The following FAM53B variants were observed in gnomAD, a reference collection of about 807,000 sequenced individuals.
FAM53B encodes family with sequence similarity 53 member B, also known as protein FAM53B.
A neutral mutation model predicts 32.7 loss-of-function variants in FAM53B; 12 were observed. That is an observed-to-expected ratio of 0.37 (90% CI 0.24 to 0.59). The LOEUF (loss-of-function observed/expected upper bound fraction) is 0.59. Among genes scored for constraint, FAM53B ranks in the 20% least tolerant of loss-of-function variants. The pLI, the probability that FAM53B is intolerant of heterozygous loss-of-function variation, is 0.72. For synonymous variants in FAM53B, 234 were observed against 228.7 expected, an observed-to-expected ratio of 1.02 and a Z score of -0.21; for missense variants, 477 against 577.7, an observed-to-expected ratio of 0.83 and a Z score of 1.79.
chr10:124,702,799 C>T (rs978955741), intron 2 of FAM53B, among the ~76,000 whole-genome samples: 1 of 152,124 alleles, frequency 6.6e-6, no homozygotes, highest in Non-Finnish European at 1.5e-5. Flanking sequence ...ATGCTGGAGG[C>T]GGGGCCTGGT....
At chr10:124,709,653 G>C (rs1949986527) in intron 1 of FAM53B, among the ~76,000 whole-genome samples, 1 of 152,122 alleles carries the variant, frequency 6.6e-6, no homozygotes, top group South Asian at 2.1e-4. Flanking sequence ...CTACAAGCAG[G>C]GCAAACTGGT....
Position 124,696,163 on chromosome 10 carries a change from A to G in FAM53B, c.128T>C (p.Ile43Thr). ...GGATGGCCTTGAGTACTTACCCATA[A>G]TTCCACAAGAGAAAAGTGTAGGTCC... is the stretch of plus-strand genomic sequence containing the variant. ...SQGPTLFSCGIMENDRWRDLD... is the reference protein window; with the variant it reads ...SQGPTLFSCGTMENDRWRDLD... Residue 43 changes from isoleucine to threonine, a missense_variant, in exon 3 of 5, where the codon ATT becomes ACT. This residue lies in a region of FAM53B where 312 missense variants were observed against 420.2 expected (regional missense o/e 0.74). Transcript: ENST00000337318. The G allele has an allele frequency of 6.2e-7, 1 of 1,614,000 alleles. No homozygotes were observed. The highest frequency in any genetic ancestry group is 8.5e-7 in the Non-Finnish European group (1 of 1,179,852).
chr10:124,681,045 T>C (rs113747314), intron 4 of FAM53B, among the ~76,000 whole-genome samples: 1,913 of 152,332 alleles, frequency 0.013, 74 homozygotes, highest in Admixed American at 0.07. Context: ...AGATACTTCT[T>C]CTACAGTGAA....
intron 3 of FAM53B, among the ~76,000 whole-genome samples, chr10:124,683,115 C>A (rs1002372243): frequency 6.6e-6 from 1 of 152,210 alleles, no homozygotes; most frequent in Non-Finnish European, 1.5e-5. Context: ...CTTAAGGGAA[C>A]CACTTAAACT....
chr10:124,622,936 C>A lies in FAM53B; in HGVS notation c.*306G>T. On this transcript the variant is annotated 3_prime_UTR_variant, in exon 5 of 5. Coordinates refer to ENST00000337318, the MANE Select transcript of FAM53B (RefSeq NM_014661.4). ...GCCGGGGACAACAGAGACTGCCCAA[C>A]ATCCCACAGGGAAAGAGGCAGAAAA... is the stretch of plus-strand genomic sequence containing the variant. 3.2e-6 allele frequency: 1 copy of A among 309,072 alleles called. No homozygotes were observed. The highest frequency in any genetic ancestry group is 6.0e-6 in the Non-Finnish European group (1 of 166,462). 19.1% of individuals were successfully genotyped at this position (309,072 alleles called of 1,614,324 possible).
At chr10:124,685,197 G>A (rs1471448275) in intron 3 of FAM53B, among the ~76,000 whole-genome samples, 2 of 152,230 alleles carry the variant, frequency 1.3e-5, no homozygotes, top group South Asian at 2.1e-4. Context: ...GAAATAAACC[G>A]AAATGTTAAT....
chr10:124,653,528 C>A (rs1337405749), intron 4 of FAM53B, among the ~76,000 whole-genome samples: 1 of 152,212 alleles, frequency 6.6e-6, no homozygotes, highest in African/African-American at 2.4e-5. Context: ...CGGGCCCCTG[C>A]CAGGACACTG....
At chr10:124,697,969 C>G (rs11245335) in intron 2 of FAM53B, among the ~76,000 whole-genome samples, 27 of 152,312 alleles carry the variant, frequency 1.8e-4, no homozygotes, top group Middle Eastern at 3.4e-3. Flanking sequence ...GAGAACACAC[C>G]GAAGTCATCC....
intron 4 of FAM53B, among the ~76,000 whole-genome samples, chr10:124,647,722 C>A (rs1219430497): frequency 1.3e-5 from 2 of 152,230 alleles, no homozygotes; most frequent in East Asian, 3.9e-4. Context: ...CTCGGGGTCA[C>A]CCCCTCCCCC....
At chr10:124,625,179 A>G (rs1262519023) in intron 4 of FAM53B, among the ~76,000 whole-genome samples, 2 of 152,180 alleles carry the variant, frequency 1.3e-5, no homozygotes, top group African/African-American at 4.8e-5. Flanking sequence ...GCCTCAGCGG[A>G]TGGGAAATAA....
At chr10:124,698,379 G>A (rs564997795) in intron 2 of FAM53B, among the ~76,000 whole-genome samples, 60 of 152,234 alleles carry the variant, frequency 3.9e-4, no homozygotes, top group African/African-American at 1.4e-3. Flanking sequence ...GTAGTGAGCC[G>A]CCCCTGCCTG....
chr10:124,677,121 G>C lies in FAM53B; in HGVS notation c.906+4486C>G, dbSNP rs1042287172. On this transcript the variant is annotated intron_variant, in intron 4 of 4. Coordinates refer to ENST00000337318, the MANE Select transcript of FAM53B (RefSeq NM_014661.4). Reference sequence around the variant, plus strand: ...CCTAGGGGGACTGCATTCAATGGGTGAACTTTTTAATTGTTGCTTTTTTCT... The same window carrying C: ...CCTAGGGGGACTGCATTCAATGGGTCAACTTTTTAATTGTTGCTTTTTTCT... Among the ~76,000 whole-genome samples, 7 of 152,190 alleles carry C rather than the reference G, an allele frequency of 4.6e-5. No homozygotes were observed. In the South Asian group the frequency reaches 8.3e-4, roughly 18 times the overall value.
intron 1 of FAM53B, among the ~76,000 whole-genome samples, chr10:124,725,599 T>C (rs1172830488): frequency 2.6e-5 from 4 of 152,090 alleles, no homozygotes; most frequent in African/African-American, 9.7e-5. Context: ...ACGGGTAAAA[T>C]CAACCTATCT....
intron 4 of FAM53B, among the ~76,000 whole-genome samples, chr10:124,675,671 A>G (rs975287229): frequency 2.6e-5 from 4 of 152,154 alleles, no homozygotes; most frequent in Non-Finnish European, 5.9e-5. Context: ...CGAAGCTCCC[A>G]CTTCTCACTG....
chr10:124,691,249 A>G (rs1369998963), intron 3 of FAM53B, among the ~76,000 whole-genome samples: 4 of 152,220 alleles, frequency 2.6e-5, no homozygotes, highest in Admixed American at 1.3e-4. Flanking sequence ...TGTACAGAGT[A>G]GACTTTAACA....
rs886279367 is a variant in FAM53B, at chr10:124,623,728, C to T, written c.907-124G>A. 8.7e-6 allele frequency: 10 copies of T among 1,150,366 alleles called. No individual in the cohort carries two copies. The Admixed American group carries it at 2.4e-4, about 27-fold the overall frequency. 71.3% of individuals were successfully genotyped at this position (1,150,366 alleles called of 1,614,324 possible). ...AAGACCAATCAAGTCCCGGGTTCCTCCTATCCAGGCAAGGACGGGCCCATG... is the reference window on the plus strand; with the variant it reads ...AAGACCAATCAAGTCCCGGGTTCCTTCTATCCAGGCAAGGACGGGCCCATG... On this transcript the variant is annotated intron_variant, in intron 4 of 4. Coordinates refer to ENST00000337318, the MANE Select transcript of FAM53B (RefSeq NM_014661.4).
At chr10:124,673,138 C>CA (rs1442765917) in intron 4 of FAM53B, among the ~76,000 whole-genome samples, 1 of 152,110 alleles carries the variant, frequency 6.6e-6, no homozygotes, top group Non-Finnish European at 1.5e-5. Flanking sequence ...TCACCACTTC[C>CA]ACTGCCCCCA....
intron 4 of FAM53B, among the ~76,000 whole-genome samples, chr10:124,668,603 A>G (rs1489976254): frequency 6.6e-6 from 1 of 152,274 alleles, no homozygotes; most frequent in African/African-American, 2.4e-5. Context: ...ACAGAGCCAG[A>G]AAGGCACGAC....
At chr10:124,738,578 C>G (rs1181202367) in intron 1 of FAM53B, among the ~76,000 whole-genome samples, 3 of 152,042 alleles carry the variant, frequency 2.0e-5, no homozygotes, top group South Asian at 2.1e-4. Context: ...CTCACACCCC[C>G]CCGAGAAGCA....
Sources: allele counts gnomAD v4.1 joint callset (sites outside exome capture counted in the v4.1 genomes callset), GRCh38; gene constraint gnomAD v4.1.1; regional missense constraint gnomAD v4.1.1; transcripts MANE v1.5; gene names NCBI Gene and HGNC (gene_info 2026-07-23, HGNC 2026-07-21).